The following WWOX variants were observed in gnomAD, a reference collection of about 807,000 sequenced individuals.
WWOX encodes the protein WW domain containing oxidoreductase.
WWOX carries 69 observed loss-of-function variants against 46.2 expected under a neutral mutation model. The ratio of observed to expected loss-of-function variants is 1.49; its 90% CI spans 1.23 to 1.82. The LOEUF (loss-of-function observed/expected upper bound fraction) is 1.82, where lower values mean the gene tolerates loss of function less well. WWOX is among the 40% of genes most tolerant of loss of function. The pLI, the probability that WWOX is intolerant of heterozygous loss-of-function variation, is 0.00. For missense variants in WWOX, 919 were observed against 542.6 expected (o/e 1.69, Z -6.89); for synonymous variants, 359 against 202.6 (o/e 1.77, Z -6.56).
intron 8 of WWOX, among the ~76,000 whole-genome samples, chr16:78,865,532 C>T (rs1009473060): frequency 3.9e-5 from 6 of 152,102 alleles, no homozygotes; most frequent in African/African-American, 1.4e-4. Flanking sequence ...ATTTATAATT[C>T]CTTAGATTGC....
At chr16:78,909,776 T>A (rs1200550034) in intron 8 of WWOX, among the ~76,000 whole-genome samples, 1 of 152,168 alleles carries the variant, frequency 6.6e-6, no homozygotes, top group Admixed American at 6.6e-5. Flanking sequence ...GTCAACTTAG[T>A]CCAAATGTAG....
intron 8 of WWOX, among the ~76,000 whole-genome samples, chr16:78,732,786 A>G (rs940414434): frequency 4.6e-5 from 7 of 152,156 alleles, no homozygotes; most frequent in Non-Finnish European, 5.9e-5. Flanking sequence ...CTGTTTTCTT[A>G]TGGTTTTGGA....
chr16:78,756,760 G>A (rs371959306), intron 8 of WWOX, among the ~76,000 whole-genome samples: 8 of 152,304 alleles, frequency 5.3e-5, no homozygotes, highest in African/African-American at 1.9e-4. Context: ...GTTGGGGAAT[G>A]TGGCCTCTGG....
At chr16:79,197,818 G>A (rs183326633) in intron 8 of WWOX, among the ~76,000 whole-genome samples, 3 of 152,274 alleles carry the variant, frequency 2.0e-5, no homozygotes, top group East Asian at 3.9e-4. Context: ...ATCCCACCAT[G>A]ATGATGGGAA....
intron 8 of WWOX, among the ~76,000 whole-genome samples, chr16:79,170,684 T>TA (rs1210079284): frequency 2.6e-5 from 4 of 152,128 alleles, no homozygotes; most frequent in African/African-American, 9.7e-5. Flanking sequence ...TTTTTTACAG[T>TA]AAATGCGCTC....
At chr16:78,450,276 T>C (rs1025999825) in intron 8 of WWOX, among the ~76,000 whole-genome samples, 1 of 152,188 alleles carries the variant, frequency 6.6e-6, no homozygotes, top group African/African-American at 2.4e-5. Flanking sequence ...TATGATGGGA[T>C]CTCTTGAATC....
chr16:78,657,492 G>T (rs1001978755), intron 8 of WWOX, among the ~76,000 whole-genome samples: 1 of 152,140 alleles, frequency 6.6e-6, no homozygotes, highest in Non-Finnish European at 1.5e-5. Flanking sequence ...GCATGCTGGG[G>T]TCAGTAAAAG....
At chr16:78,840,900 ATCTAGACGTAGTTC>A (rs913169611) in intron 8 of WWOX, among the ~76,000 whole-genome samples, 35 of 152,158 alleles carry the variant, frequency 2.3e-4, no homozygotes, top group African/African-American at 7.9e-4. Context: ...AGTAGCAAAC[ATCTAGACGTAGTTC>A]TCAATAGTAG....
At chr16:78,574,154 C>T (rs1039552301) in intron 8 of WWOX, among the ~76,000 whole-genome samples, 1 of 152,184 alleles carries the variant, frequency 6.6e-6, no homozygotes, top group Non-Finnish European at 1.5e-5. Flanking sequence ...AATATCTGGG[C>T]TTTTCCCACA....
At chr16:79,111,659 G>A (rs906709127) in intron 8 of WWOX, among the ~76,000 whole-genome samples, 11 of 152,180 alleles carry the variant, frequency 7.2e-5, no homozygotes, top group African/African-American at 2.7e-4. Flanking sequence ...AGGGCAGTAG[G>A]TAATTCTGGA....
intron 8 of WWOX, among the ~76,000 whole-genome samples, chr16:78,448,098 C>G (rs529602320): frequency 6.6e-6 from 1 of 152,280 alleles, no homozygotes; most frequent in South Asian, 2.1e-4. Flanking sequence ...ACCACTGCTT[C>G]TGGCCTAGAA....
chr16:78,238,979 T>A (rs1237696545), intron 5 of WWOX, among the ~76,000 whole-genome samples: 1 of 152,078 alleles, frequency 6.6e-6, no homozygotes, highest in Non-Finnish European at 1.5e-5. Context: ...TGTGCTCTTG[T>A]CCCCAAGGCC....
chr16:78,950,018 ACTTTCCAAG>A (rs1345260069), intron 8 of WWOX, among the ~76,000 whole-genome samples: 26 of 152,216 alleles, frequency 1.7e-4, no homozygotes, highest in Admixed American at 5.9e-4. Context: ...AGGCTTGTAG[ACTTTCCAAG>A]GCTGTGCAGC....
intron 8 of WWOX, among the ~76,000 whole-genome samples, chr16:78,720,586 T>A (rs934573046): frequency 6.6e-6 from 1 of 152,178 alleles, no homozygotes; most frequent in Non-Finnish European, 1.5e-5. Flanking sequence ...ATGTTCAGGA[T>A]TTCAGACCAC....
At chr16:79,191,307 C>G (rs1010841475) in intron 8 of WWOX, among the ~76,000 whole-genome samples, 36 of 152,184 alleles carry the variant, frequency 2.4e-4, no homozygotes, top group African/African-American at 8.7e-4. Flanking sequence ...CTGCCCGCCT[C>G]TGCCTCCCAA....
chr16:78,995,077 G>A (rs2046963186), intron 8 of WWOX, among the ~76,000 whole-genome samples: 1 of 148,382 alleles, frequency 6.7e-6, no homozygotes, highest in African/African-American at 2.5e-5. Context: ...TCTGGAGGAT[G>A]CCGAGGAGTT....
At chr16:79,001,206 C>G (rs1277173938) in intron 8 of WWOX, among the ~76,000 whole-genome samples, 3 of 152,152 alleles carry the variant, frequency 2.0e-5, no homozygotes, top group Non-Finnish European at 2.9e-5. Flanking sequence ...GATGCAGTCT[C>G]GAGGAACGGA....
chr16:79,209,140 AG>A (rs1166206009), intron 8 of WWOX, among the ~76,000 whole-genome samples: 1 of 152,192 alleles, frequency 6.6e-6, no homozygotes, highest in Non-Finnish European at 1.5e-5. Context: ...CCTGATAAAA[AG>A]TTAGGCTTTT....
At chr16:79,140,537 C>T (rs1485411726) in intron 8 of WWOX, among the ~76,000 whole-genome samples, 1 of 152,170 alleles carries the variant, frequency 6.6e-6, no homozygotes, top group African/African-American at 2.4e-5. Context: ...AATGCAGCCT[C>T]CTCTTGATCT....
Sources: allele counts gnomAD v4.1 joint callset (sites outside exome capture counted in the v4.1 genomes callset), GRCh38; gene constraint gnomAD v4.1.1; transcripts MANE v1.5; gene names NCBI Gene and HGNC (gene_info 2026-07-23, HGNC 2026-07-21).